ZNF473: variants seen among roughly 807,000 people sequenced by gnomAD.
The protein encoded by ZNF473 is zinc finger protein 100 homolog.
A neutral mutation model predicts 11.1 loss-of-function variants in ZNF473; 4 were observed. That is an observed-to-expected ratio of 0.36 (90% CI 0.18 to 0.82). ZNF473 has a LOEUF of 0.82. Among genes scored for constraint, ZNF473 ranks in the 40% least tolerant of loss-of-function variants. The pLI, the probability that ZNF473 is intolerant of heterozygous loss-of-function variation, is 0.49. For missense variants in ZNF473, 854 were observed against 1,084.0 expected (o/e 0.79, Z 2.98); for synonymous variants, 404 against 390.4 (o/e 1.03, Z -0.41).
Position 50,047,278 on chromosome 19 carries a change from T to C in ZNF473, c.*219T>C. 1.9e-6 allele frequency: 1 copy of C among 516,282 alleles called. No homozygotes were observed. Among genetic ancestry groups the C allele is most frequent in the Non-Finnish European group, 3.4e-6 (1 of 290,110 alleles). The allele number at this position is 516,282 out of a possible 1,614,324, so 32.0% of individuals were successfully genotyped here. A position where few individuals can be genotyped will look rare whatever the true frequency, so the allele number is the denominator to read the frequency against. On this transcript the variant is annotated 3_prime_UTR_variant, in exon 5 of 5. Coordinates refer to ENST00000270617, the MANE Select transcript of ZNF473 (RefSeq NM_015428.4). ...GGCTCTGGAGCCAGTCTACCTTGAG[T>C]TAAATCCCACCTCTGCCATCTACTA...
chr19:50,034,017 G>A (rs1246655417), intron 2 of ZNF473, among the ~76,000 whole-genome samples: 1 of 152,190 alleles, frequency 6.6e-6, no homozygotes, highest in Non-Finnish European at 1.5e-5. Flanking sequence ...TGGGGTGGCG[G>A]CATTATTCGG....
Position 50,039,986 on chromosome 19 carries a change from C to G in ZNF473, c.136+699C>G, listed in dbSNP as rs1473436616. Among the ~76,000 whole-genome samples the G allele has an allele frequency of 6.6e-6, 1 of 152,122 alleles. No homozygotes were observed. Among genetic ancestry groups the G allele is most frequent in the Non-Finnish European group, 1.5e-5 (1 of 68,012 alleles). On this transcript the variant is annotated intron_variant, in intron 3 of 4. Transcript: ENST00000270617. This position sits in a 1 kb window ranked among gnomAD's most constrained non-coding sequence, Gnocchi z 4.8. ...CTTGCTTGTTCAATCCTCCAGTCACCCCATGAAGAAGCTGGGTTGTCCCTC... is the reference window on the plus strand; with the variant it reads ...CTTGCTTGTTCAATCCTCCAGTCACGCCATGAAGAAGCTGGGTTGTCCCTC...
intron 3 of ZNF473, 64 bp from the exon 4 acceptor site, chr19:50,041,666 T>C (rs1478479516): frequency 1.9e-5 from 27 of 1,406,960 alleles, no homozygotes; most frequent in Non-Finnish European, 2.6e-5. Flanking sequence ...CAGGAGGTTC[T>C]CACTGAGTGT....
intron 2 of ZNF473, among the ~76,000 whole-genome samples, chr19:50,038,007 A>AC (rs1978551286): frequency 2.4e-5 from 1 of 41,258 alleles, no homozygotes; most frequent in Admixed American, 3.9e-4. Context: ...AAATAGTAGA[A>AC]AATTTTTTTT....
At chr19:50,035,249 C>T (rs1452489202) in intron 2 of ZNF473, among the ~76,000 whole-genome samples, 2 of 151,848 alleles carry the variant, frequency 1.3e-5, no homozygotes, top group Non-Finnish European at 2.9e-5. Context: ...GCTGTGATAG[C>T]ACCACTGCAC....
rs912113207 is a variant in ZNF473 at position 50,047,300 on chromosome 19, A to G, written c.*241A>G. 2.6e-5 allele frequency: 12 copies of G among 463,228 alleles called. No homozygotes were observed. In the Admixed American group the frequency reaches 3.9e-4, roughly 15 times the overall value. The allele number at this position is 463,228 out of a possible 1,614,324, so 28.7% of individuals were successfully genotyped here. A position where few individuals can be genotyped will look rare whatever the true frequency, so the allele number is the denominator to read the frequency against. ...GAGTTAAATCCCACCTCTGCCATCTACTACCTAAGTGACCTTGGGAAGGTC... is the reference window on the plus strand; with the variant it reads ...GAGTTAAATCCCACCTCTGCCATCTGCTACCTAAGTGACCTTGGGAAGGTC... On this transcript the variant is annotated 3_prime_UTR_variant, in exon 5 of 5. Transcript: ENST00000270617.
rs2077313961 is a variant in ZNF473 at position 50,030,851 on chromosome 19, G to C, written c.-191-41G>C. ...TGAAGCACAGTGCAAATGTGGGGCT[G>C]AGGTGGCTTCAGTAAATATAGTTGT... On this transcript the variant is annotated intron_variant, in intron 1 of 4. Coordinates refer to ENST00000270617, the MANE Select transcript of ZNF473 (RefSeq NM_015428.4). The C allele has an allele frequency of 2.1e-5, 13 of 609,598 alleles. No individual in the cohort carries two copies. The East Asian group carries it at 3.7e-4, about 17-fold the overall frequency. The allele number at this position is 609,598 out of a possible 1,614,324, so 37.8% of individuals were successfully genotyped here.
At chr19:50,036,063 C>G (rs1457057525) in intron 2 of ZNF473, among the ~76,000 whole-genome samples, 1 of 151,486 alleles carries the variant, frequency 6.6e-6, no homozygotes, top group Admixed American at 6.6e-5. Flanking sequence ...CTCAAGTGAT[C>G]CTCCTACCTC....
intron 2 of ZNF473, among the ~76,000 whole-genome samples, chr19:50,035,942 GT>G (rs1222298377): frequency 6.6e-6 from 1 of 151,882 alleles, no homozygotes; most frequent in Non-Finnish European, 1.5e-5. Flanking sequence ...GTGTGCTGTG[GT>G]TGGAATGTTT....
intron 4 of ZNF473, chr19:50,043,451 ATATATATAT>A (rs1978896825): frequency 3.6e-5 from 3 of 83,096 alleles, no homozygotes; most frequent in Non-Finnish European, 4.7e-5. Context: ...AAAAAAAAAT[ATATATATAT>A]ATATATATAT....
chr19:50,045,158 C>T lies in ZNF473; in HGVS notation c.715C>T (p.His239Tyr), dbSNP rs565400817. Residue 239 changes from histidine to tyrosine, a missense_variant, in exon 5 of 5, where the codon CAT becomes TAT. By Grantham distance (83) the His-to-Tyr change is moderately conservative (BLOSUM62 2). Coordinates refer to ENST00000270617, the MANE Select transcript of ZNF473 (RefSeq NM_015428.4). ...TCATACTAGGGAGAAACCCACTGTC[C>T]ATCAAGAGTGTGAGCAAGGTTTTGA... ...ITHTREKPTV[H>Y]QECEQGFDRN... 1 of 1,614,188 alleles carries T rather than the reference C, an allele frequency of 6.2e-7. No individual in the cohort carries two copies. The highest frequency in any genetic ancestry group is 1.1e-5 in the South Asian group (1 of 91,084).
At chr19:50,035,969 C>CTT (rs138667481) in intron 2 of ZNF473, among the ~76,000 whole-genome samples, 12 of 148,956 alleles carry the variant, frequency 8.1e-5, no homozygotes, top group African/African-American at 2.2e-4. Flanking sequence ...CTTTGAAACT[C>CTT]TTTTTTTTTT....
rs760666599 is a variant in ZNF473 at position 50,039,193 on chromosome 19, C to G, written c.42C>G (p.Asp14Glu). Residue 14 changes from aspartate to glutamate, a missense_variant, in exon 3 of 5, where the codon GAC (aspartate) becomes GAG (glutamate). Transcript: ENST00000270617. This position sits in a 1 kb window ranked among gnomAD's most constrained non-coding sequence, Gnocchi z 4.8. Reference protein sequence around the residue: ...EFVTLKDVGMDFTLGDWEQLG... With the variant: ...EFVTLKDVGMEFTLGDWEQLG... ...TGACCCTCAAGGATGTCGGCATGGA[C>G]TTCACCTTGGGAGACTGGGAGCAGC... is the stretch of plus-strand genomic sequence containing the variant. 1.2e-6 allele frequency: 2 copies of G among 1,614,202 alleles called. No homozygotes were observed. Among genetic ancestry groups the G allele is most frequent in the Middle Eastern group, 1.6e-4 (1 of 6,062 alleles).
chr19:50,037,260 CA>C (rs547970015), intron 2 of ZNF473, among the ~76,000 whole-genome samples: 236 of 152,262 alleles, frequency 1.5e-3, no homozygotes, highest in African/African-American at 5.6e-3. Context: ...GGTCCCATTT[CA>C]CTAGGGGAGC....
chr19:50,026,775 A>T (rs997728284), intron 1 of ZNF473, among the ~76,000 whole-genome samples: 2 of 152,078 alleles, frequency 1.3e-5, no homozygotes, highest in Non-Finnish European at 2.9e-5. Context: ...CAGGAGGCAG[A>T]GGTTGCAGTG....
In ZNF473 at chr19:50,045,779, C is replaced by A. The variant is rs777525731; in HGVS notation, c.1336C>A (p.Leu446Ile). The A allele has an allele frequency of 4.2e-5, 67 of 1,614,094 alleles. No individual in the cohort carries two copies. The highest frequency in any genetic ancestry group is 5.5e-5 in the Non-Finnish European group (65 of 1,180,024). The change falls in exon 5 of 5, where the codon CTT (leucine) becomes ATT (isoleucine). Residue 446 changes from leucine to isoleucine, a missense_variant. By Grantham distance (5) the Leu-to-Ile change is conservative. Coordinates refer to ENST00000270617, the MANE Select transcript of ZNF473 (RefSeq NM_015428.4). ...GAAGGCCTTCCACCGGCACACTCAC[C>A]TTAATGAACATCGGCGAATTCATAC... Reference protein sequence around the residue: ...CGKAFHRHTHLNEHRRIHTGY... With the variant: ...CGKAFHRHTHINEHRRIHTGY...
At chr19:50,028,367 G>GTGACACA (rs2077298959) in intron 1 of ZNF473, among the ~76,000 whole-genome samples, 1 of 151,430 alleles carries the variant, frequency 6.6e-6, no homozygotes, top group African/African-American at 2.4e-5. Context: ...TCAGGCTGGA[G>GTGACACA]TACAGTGACA....
At chr19:50,036,263 C>T (rs984118937) in intron 2 of ZNF473, among the ~76,000 whole-genome samples, 7 of 150,792 alleles carry the variant, frequency 4.6e-5, no homozygotes, top group African/African-American at 7.3e-5. Context: ...CCCCACCAAT[C>T]GAAACTCCTT....
At chr19:50,043,514 C>A (rs1978903389) in intron 4 of ZNF473, 1 of 148,840 alleles carries the variant, frequency 6.7e-6, no homozygotes, top group African/African-American at 2.5e-5. Flanking sequence ...TGCTCACTTA[C>A]CTGTAAGAAA....
Sources: gnomAD v4.1 joint callset for allele counts (sites outside exome capture counted in the v4.1 genomes callset) on GRCh38, gnomAD v4.1.1 for gene constraint, Gnocchi (gnomAD v3.1) non-coding constraint, MANE v1.5 for transcripts, NCBI Gene and HGNC (gene_info 2026-07-23, HGNC 2026-07-21) for gene names.